The following TRHDE variants were observed in gnomAD, a reference collection of about 807,000 sequenced individuals.
TRHDE encodes thyrotropin releasing hormone degrading enzyme, also known as thyrotropin-releasing hormone-degrading ectoenzyme.
In TRHDE, 72 loss-of-function variants were observed where a neutral mutation model predicts 125.7. The observed-to-expected ratio is 0.57, with a 90% CI of 0.47 to 0.70. TRHDE has a LOEUF of 0.70. Ranked by LOEUF, TRHDE falls within the 30% of genes least tolerant of loss-of-function variation. TRHDE has a pLI of 0.00. For synonymous variants in TRHDE, 509 were observed against 509.1 expected (o/e 1.00, Z 0.00); for missense variants, 1,110 against 1,327.1 (o/e 0.84, Z 2.54).
At chr12:72,640,693 G>A (rs1007140040) in intron 15 of TRHDE, among the ~76,000 whole-genome samples, 3 of 152,236 alleles carry the variant, frequency 2.0e-5, no homozygotes, top group Middle Eastern at 3.4e-3. Flanking sequence ...CTTCTGCATC[G>A]CTCATGCTGG....
At chr12:72,177,495 C>T (rs964844954) in intron 2 of TRHDE, among the ~76,000 whole-genome samples, 1 of 151,998 alleles carries the variant, frequency 6.6e-6, no homozygotes, top group Non-Finnish European at 1.5e-5. Flanking sequence ...AAACTACAGT[C>T]TAGCAAACTA....
chr12:72,327,414 A>G (rs1869389166), intron 2 of TRHDE, among the ~76,000 whole-genome samples: 1 of 152,142 alleles, frequency 6.6e-6, no homozygotes. Flanking sequence ...CATCATTAAG[A>G]CTTCTCCTGG....
chr12:72,219,374 TA>T (rs1877958816), intron 2 of TRHDE, among the ~76,000 whole-genome samples: 1 of 152,140 alleles, frequency 6.6e-6, no homozygotes, highest in Non-Finnish European at 1.5e-5. Flanking sequence ...TAAATAAGAC[TA>T]AGAATGTTTT....
chr12:72,435,573 A>T (rs1469282659), intron 3 of TRHDE, among the ~76,000 whole-genome samples: 1 of 152,008 alleles, frequency 6.6e-6, no homozygotes, highest in East Asian at 1.9e-4. Context: ...ATTGAAAAAA[A>T]ATCCATAATA....
chr12:72,284,609 C>T (rs556090105), intron 1 of TRHDE, among the ~76,000 whole-genome samples: 4 of 152,292 alleles, frequency 2.6e-5, no homozygotes, highest in South Asian at 2.1e-4. Flanking sequence ...TTGTTACTTA[C>T]AGCTGAATTA....
chr12:72,593,311 T>C (rs1871774765), intron 12 of TRHDE, among the ~76,000 whole-genome samples: 2 of 152,182 alleles, frequency 1.3e-5, no homozygotes, highest in African/African-American at 2.4e-5. Flanking sequence ...AAGGGTAAAC[T>C]TGTTTGCACA....
intron 12 of TRHDE, among the ~76,000 whole-genome samples, chr12:72,576,121 T>C (rs1478209467): frequency 1.3e-5 from 2 of 152,136 alleles, no homozygotes; most frequent in Non-Finnish European, 2.9e-5. Flanking sequence ...TTAAATGAAA[T>C]GTTGCTCATA....
chr12:72,581,116 T>C (rs1182341456), intron 12 of TRHDE, among the ~76,000 whole-genome samples: 1 of 152,204 alleles, frequency 6.6e-6, no homozygotes, highest in Non-Finnish European at 1.5e-5. Flanking sequence ...CAATGCCTCA[T>C]GGCACAATTT....
At chr12:72,294,125 T>A (rs910700615) in intron 2 of TRHDE, among the ~76,000 whole-genome samples, 1 of 152,064 alleles carries the variant, frequency 6.6e-6, no homozygotes, top group Non-Finnish European at 1.5e-5. Flanking sequence ...AGTTCCCAGG[T>A]CTGGGCTCCC....
At chr12:72,353,705 G>C (rs2135743182) in intron 2 of TRHDE, among the ~76,000 whole-genome samples, 1 of 151,484 alleles carries the variant, frequency 6.6e-6, no homozygotes, top group East Asian at 2.0e-4. Context: ...CTAATTATCA[G>C]AAAAATATAT....
At chr12:72,384,350 G>A (rs1342765248) in intron 3 of TRHDE, among the ~76,000 whole-genome samples, 4 of 152,036 alleles carry the variant, frequency 2.6e-5, no homozygotes, top group Non-Finnish European at 4.4e-5. Flanking sequence ...TAGAATTTCT[G>A]CCCTCAAGGA....
At chr12:72,315,963 A>G (rs1249329563) in intron 2 of TRHDE, among the ~76,000 whole-genome samples, 1 of 152,100 alleles carries the variant, frequency 6.6e-6, no homozygotes, top group Admixed American at 6.5e-5. Context: ...ACACAACTAA[A>G]TTCCATTTCA....
At chr12:72,382,016 A>C (rs1565721138) in intron 3 of TRHDE, among the ~76,000 whole-genome samples, 1 of 152,162 alleles carries the variant, frequency 6.6e-6, no homozygotes, top group Non-Finnish European at 1.5e-5. Context: ...ACAGCAGTGA[A>C]GGCAGATAGA....
At chr12:72,616,966 A>T (rs1872840876) in intron 12 of TRHDE, among the ~76,000 whole-genome samples, 1 of 152,266 alleles carries the variant, frequency 6.6e-6, no homozygotes, top group African/African-American at 2.4e-5. Flanking sequence ...AATCTAAAAC[A>T]TTATTTTAAT....
At chr12:72,292,361 G>A (rs1880120679) in intron 2 of TRHDE, among the ~76,000 whole-genome samples, 1 of 152,182 alleles carries the variant, frequency 6.6e-6, no homozygotes, top group Non-Finnish European at 1.5e-5. Flanking sequence ...AGAAGGAAAA[G>A]TTTTAATTTC....
intron 5 of TRHDE, among the ~76,000 whole-genome samples, chr12:72,491,297 G>A (rs570281775): frequency 2.6e-5 from 4 of 151,932 alleles, no homozygotes; most frequent in African/African-American, 9.6e-5. Context: ...TATGTAATTA[G>A]ACAACCTGTT....
intron 15 of TRHDE, among the ~76,000 whole-genome samples, chr12:72,623,665 A>C (rs553938539): frequency 2.6e-5 from 4 of 152,152 alleles, no homozygotes; most frequent in African/African-American, 9.6e-5. Flanking sequence ...AAACATTACT[A>C]TCTTGGAGGG....
chr12:72,363,926 C>T (rs1318217270), intron 2 of TRHDE, among the ~76,000 whole-genome samples: 2 of 151,998 alleles, frequency 1.3e-5, no homozygotes, highest in Non-Finnish European at 2.9e-5. Context: ...AGCAAAGTCT[C>T]AGGATACAAA....
chr12:72,564,887 C>T (rs1316974322), intron 9 of TRHDE, among the ~76,000 whole-genome samples: 3 of 151,662 alleles, frequency 2.0e-5, no homozygotes, highest in African/African-American at 4.8e-5. Context: ...AGGATCCTCT[C>T]GATCTCCTGA....
Sources: gnomAD v4.1 joint callset for allele counts (sites outside exome capture counted in the v4.1 genomes callset) on GRCh38, gnomAD v4.1.1 for gene constraint, MANE v1.5 for transcripts, NCBI Gene and HGNC (gene_info 2026-07-23, HGNC 2026-07-21) for gene names.